PTGR1: variants seen among roughly 807,000 people sequenced by gnomAD.
The protein encoded by PTGR1 is 15-oxoprostaglandin 13-reductase.
A neutral mutation model predicts 37.7 loss-of-function variants in PTGR1; 23 were observed. The observed-to-expected ratio is 0.61, with a 90% CI of 0.44 to 0.86. The LOEUF is 0.86. PTGR1 is among the 40% of genes least tolerant of loss of function. The pLI is 0.00. For synonymous variants in PTGR1, 134 were observed against 140.0 expected, an observed-to-expected ratio of 0.96 and a Z score of 0.30; for missense variants, 351 against 394.3, an observed-to-expected ratio of 0.89 and a Z score of 0.93.
At chr9:111,580,233 G>A (rs141472266) in intron 6 of PTGR1, among the ~76,000 whole-genome samples, 1 of 152,060 alleles carries the variant, frequency 6.6e-6, no homozygotes, top group East Asian at 1.9e-4. Flanking sequence ...ACCTATAGAT[G>A]TCCTCACACT....
intron 8 of PTGR1, among the ~76,000 whole-genome samples, chr9:111,570,995 A>G (rs1198573707): frequency 6.6e-6 from 1 of 152,204 alleles, no homozygotes; most frequent in Non-Finnish European, 1.5e-5. Context: ...AAGGGGCCAC[A>G]TGCCAAGAAA....
chr9:111,581,237 A>T (rs1263028861), intron 6 of PTGR1, among the ~76,000 whole-genome samples: 1 of 152,236 alleles, frequency 6.6e-6, no homozygotes, highest in African/African-American at 2.4e-5. Flanking sequence ...AGTACAAAAG[A>T]TGTAATTATG....
chr9:111,577,400 G>A (rs1829106619), intron 7 of PTGR1: 1 of 152,136 alleles, frequency 6.6e-6, no homozygotes. Flanking sequence ...AAAACAGTTT[G>A]ACAGCTCCTC....
intron 9 of PTGR1, among the ~76,000 whole-genome samples, chr9:111,553,150 T>C (rs889025221): frequency 1.2e-4 from 19 of 152,368 alleles, no homozygotes; most frequent in African/African-American, 4.1e-4. Context: ...ATGTCTTAAA[T>C]ATTGTCTTAA....
At chr9:111,592,426 T>A (rs1016728158) in intron 4 of PTGR1, 8 of 153,894 alleles carry the variant, frequency 5.2e-5, no homozygotes, top group Non-Finnish European at 1.0e-4. Context: ...TCTCACCTCA[T>A]AATCAAATGA....
At chr9:111,560,944 A>T (rs1327362235), downstream of PTGR1, among the ~76,000 whole-genome samples, 1 of 31,226 alleles carries the variant, frequency 3.2e-5, no homozygotes, top group African/African-American at 1.5e-4. Flanking sequence ...CTCCATCTAA[A>T]ATATATATAT....
intron 3 of PTGR1, among the ~76,000 whole-genome samples, chr9:111,593,287 C>T (rs1829678805): frequency 6.6e-6 from 1 of 152,122 alleles, no homozygotes; most frequent in Admixed American, 6.5e-5. Context: ...CTACCAATGA[C>T]TTTAAAAATA....
chr9:111,569,929 A>G, intron 9 of PTGR1, 162 bp downstream of exon 9: 2 of 1,173,470 alleles, frequency 1.7e-6, no homozygotes, highest in Non-Finnish European at 2.4e-6. Context: ...CCTTTCAAAG[A>G]TGGGAAAAGT....
intron 7 of PTGR1, chr9:111,577,504 A>C (rs1331589051): frequency 6.6e-6 from 1 of 152,242 alleles, no homozygotes; most frequent in Non-Finnish European, 1.5e-5. Flanking sequence ...AAACCTCTGC[A>C]TGAATGTTCA....
At chr9:111,561,148 G>GGAGAGAGAGAGAGAGA (rs527553902), downstream of PTGR1, among the ~76,000 whole-genome samples, 2 of 34,840 alleles carry the variant, frequency 5.7e-5, no homozygotes, top group Admixed American at 3.4e-4. Context: ...GGAGAGAGAG[G>GGAGAGAGAGAGAGAGA]GAGAGAGAGA....
intron 2 of PTGR1, 95 bp downstream of exon 2, chr9:111,597,222 G>A: frequency 1.1e-6 from 1 of 938,836 alleles, no homozygotes; most frequent in South Asian, 1.5e-5. Flanking sequence ...AACCGTTGTT[G>A]CTTAAAGTCA....
At chr9:111,571,448 T>A (rs1828816380) in intron 8 of PTGR1, among the ~76,000 whole-genome samples, 1 of 149,004 alleles carries the variant, frequency 6.7e-6, no homozygotes, top group Admixed American at 6.8e-5. Flanking sequence ...AGAATAAACA[T>A]GTGGGTGTTT....
intron 9 of PTGR1, among the ~76,000 whole-genome samples, chr9:111,555,071 G>A (rs12338027): frequency 0.34 from 51,267 of 152,072 alleles, 9,434 homozygotes; most frequent in Non-Finnish European, 0.42. Flanking sequence ...AGCAGGCAGA[G>A]GCACGCCACA....
At chr9:111,587,740 G>A (rs540106584) in intron 4 of PTGR1, among the ~76,000 whole-genome samples, 11 of 152,172 alleles carry the variant, frequency 7.2e-5, no homozygotes, top group Non-Finnish European at 1.5e-4. Flanking sequence ...GTGAGACACC[G>A]CGCCCGGATG....
chr9:111,574,621 G>T (rs1465647565), intron 8 of PTGR1, 113 bp downstream of exon 8: 68 of 556,040 alleles, frequency 1.2e-4, no homozygotes, highest in Non-Finnish European at 1.6e-4. Context: ...AAAAAAAAAA[G>T]AATATATGAA....
intron 9 of PTGR1, among the ~76,000 whole-genome samples, chr9:111,569,323 G>A (rs1229876395): frequency 2.0e-5 from 3 of 152,186 alleles, no homozygotes; most frequent in Non-Finnish European, 4.4e-5. Flanking sequence ...GCAAGAGTCT[G>A]AGGAGGACCA....
chr9:111,593,743 G>GCTGCAACCTCTGCCTCC lies in PTGR1; in HGVS notation c.152+462_152+478dup, dbSNP rs1174035775. ...GAGTGCGGTGGCAAGATCTTGGCTC[G>GCTGCAACCTCTGCCTCC]CTGCAACCTCTGCCTCCCTGCAACC... is the stretch of plus-strand genomic sequence containing the variant. On this transcript the variant is annotated intron_variant, in intron 3 of 9. Coordinates refer to ENST00000407693, the MANE Select transcript of PTGR1 (RefSeq NM_001146108.2). Among the ~76,000 whole-genome samples the GCTGCAACCTCTGCCTCC allele has an allele frequency of 1.7e-3, 259 of 151,858 alleles. 1 individual carries two copies. Among genetic ancestry groups the GCTGCAACCTCTGCCTCC allele is most frequent in the Non-Finnish European group, 3.0e-3 (201 of 67,906 alleles).
chr9:111,585,735 A>G (rs1374606317), intron 5 of PTGR1, among the ~76,000 whole-genome samples: 2 of 152,132 alleles, frequency 1.3e-5, no homozygotes, highest in African/African-American at 4.8e-5. Context: ...AAGTCCTCCA[A>G]TGTTGTCACA....
At chr9:111,586,787 C>G (rs918310818) in intron 4 of PTGR1, among the ~76,000 whole-genome samples, 2 of 144,512 alleles carry the variant, frequency 1.4e-5, no homozygotes, top group Non-Finnish European at 1.5e-5. Context: ...TTTCCACTCT[C>G]TCTCTCTCTC....
Sources: gnomAD v4.1 joint callset for allele counts (sites outside exome capture counted in the v4.1 genomes callset) on GRCh38, gnomAD v4.1.1 for gene constraint, MANE v1.5 for transcripts, NCBI Gene and HGNC (gene_info 2026-07-23, HGNC 2026-07-21) for gene names.